Variants in MARCHF1 observed in about 807,000 individuals in gnomAD.
MARCHF1 encodes the protein E3 ubiquitin-protein ligase MARCHF1.
In MARCHF1, 40 loss-of-function variants were observed where a neutral mutation model predicts 54.2. The ratio of observed to expected loss-of-function variants is 0.74; its 90% CI spans 0.57 to 0.96. The LOEUF is 0.96. Among genes scored for constraint, MARCHF1 ranks in the 40% least tolerant of loss-of-function variants. The pLI, the probability that MARCHF1 is intolerant of heterozygous loss-of-function variation, is 0.00. For synonymous variants in MARCHF1, 236 were observed against 236.3 expected (o/e 1.00, Z 0.01); for missense variants, 586 against 656.5 (o/e 0.89, Z 1.17).
At chr4:163,981,568 C>T (rs750735510) in intron 3 of MARCHF1, among the ~76,000 whole-genome samples, 28 of 152,094 alleles carry the variant, frequency 1.8e-4, no homozygotes, top group Non-Finnish European at 3.7e-4. Flanking sequence ...AAGGCTGCTG[C>T]AAGTGGCTCA....
chr4:164,022,212 T>G (rs541530770), intron 2 of MARCHF1, among the ~76,000 whole-genome samples: 1 of 152,312 alleles, frequency 6.6e-6, no homozygotes, highest in Non-Finnish European at 1.5e-5. Flanking sequence ...AACTGTACTG[T>G]TCAATACATA....
At chr4:163,864,006 G>C (rs190237391) in intron 3 of MARCHF1, among the ~76,000 whole-genome samples, 1 of 152,016 alleles carries the variant, frequency 6.6e-6, no homozygotes, top group African/African-American at 2.4e-5. Context: ...ACACCCACAA[G>C]TCTATACTGA....
intron 1 of MARCHF1, among the ~76,000 whole-genome samples, chr4:164,188,037 A>T (rs534557926): frequency 6.6e-6 from 1 of 152,178 alleles, no homozygotes; most frequent in Non-Finnish European, 1.5e-5. Flanking sequence ...ATTTTCCATT[A>T]AGGGCCATTT....
chr4:164,239,180 T>A (rs1274285344), intron 1 of MARCHF1, among the ~76,000 whole-genome samples: 1 of 152,090 alleles, frequency 6.6e-6, no homozygotes, highest in African/African-American at 2.4e-5. Flanking sequence ...TCCTTCATAA[T>A]TGGTGGACTT....
intron 4 of MARCHF1, among the ~76,000 whole-genome samples, chr4:163,799,935 C>G (rs1748031827): frequency 6.6e-6 from 1 of 152,094 alleles, no homozygotes; most frequent in Non-Finnish European, 1.5e-5. Flanking sequence ...TACATAGATA[C>G]CATGGAATAG....
intron 4 of MARCHF1, among the ~76,000 whole-genome samples, chr4:163,805,071 T>C (rs1459031282): frequency 6.6e-6 from 1 of 152,160 alleles, no homozygotes. Flanking sequence ...GATAGAATTC[T>C]GTATATATGA....
At chr4:163,889,651 C>A (rs1750611136) in intron 3 of MARCHF1, among the ~76,000 whole-genome samples, 1 of 152,066 alleles carries the variant, frequency 6.6e-6, no homozygotes, top group South Asian at 2.1e-4. Flanking sequence ...ACATCTCCTG[C>A]TTAAGTGGTT....
intron 1 of MARCHF1, among the ~76,000 whole-genome samples, chr4:164,330,385 G>T (rs1437006300): frequency 2.6e-5 from 4 of 152,014 alleles, no homozygotes; most frequent in African/African-American, 9.7e-5. Context: ...AGTTTGTCAT[G>T]TCTTCCCCTC....
chr4:163,770,418 C>T (rs1747120693), intron 4 of MARCHF1, among the ~76,000 whole-genome samples: 1 of 152,034 alleles, frequency 6.6e-6, no homozygotes, highest in South Asian at 2.1e-4. Flanking sequence ...TGTTGCTAGA[C>T]TGCCTTAAGA....
At chr4:163,808,593 G>C (rs937379221) in intron 4 of MARCHF1, among the ~76,000 whole-genome samples, 1 of 152,144 alleles carries the variant, frequency 6.6e-6, no homozygotes. Flanking sequence ...TTTTGAGACA[G>C]AGTCTCCCTT....
chr4:164,362,263 C>A (rs757972766), intron 1 of MARCHF1, among the ~76,000 whole-genome samples: 3 of 152,098 alleles, frequency 2.0e-5, no homozygotes, highest in Non-Finnish European at 4.4e-5. Context: ...AAAAATTAAT[C>A]TTTCAAACTT....
intron 2 of MARCHF1, among the ~76,000 whole-genome samples, chr4:164,101,122 A>G (rs1368725305): frequency 6.6e-6 from 1 of 152,200 alleles, no homozygotes; most frequent in Non-Finnish European, 1.5e-5. Context: ...ACGCCCACGG[A>G]GTCTTGCTGA....
At chr4:163,861,079 G>A (rs1749918617) in intron 3 of MARCHF1, among the ~76,000 whole-genome samples, 1 of 152,268 alleles carries the variant, frequency 6.6e-6, no homozygotes, top group South Asian at 2.1e-4. Context: ...GACAACATCA[G>A]TAACAAATGG....
chr4:164,056,384 A>G (rs2111056754), intron 2 of MARCHF1, among the ~76,000 whole-genome samples: 1 of 152,296 alleles, frequency 6.6e-6, no homozygotes, highest in East Asian at 1.9e-4. Flanking sequence ...TGTGACCTAC[A>G]CTGGCTCAAG....
chr4:163,785,086 A>C (rs950726787), intron 4 of MARCHF1, among the ~76,000 whole-genome samples: 2 of 152,156 alleles, frequency 1.3e-5, no homozygotes, highest in Admixed American at 1.3e-4. Context: ...TAAATGCTAG[A>C]GAGATAATTA....
chr4:163,899,660 C>G (rs749111610), intron 3 of MARCHF1, among the ~76,000 whole-genome samples: 12 of 151,940 alleles, frequency 7.9e-5, no homozygotes, highest in Non-Finnish European at 1.5e-4. Flanking sequence ...CCTGACCTGA[C>G]CTTCAGATCT....
chr4:163,743,814 G>A (rs1316702814), intron 4 of MARCHF1, among the ~76,000 whole-genome samples: 1 of 152,116 alleles, frequency 6.6e-6, no homozygotes, highest in East Asian at 1.9e-4. Flanking sequence ...CTTTTGCTAT[G>A]TAGAGCTAAA....
intron 1 of MARCHF1, among the ~76,000 whole-genome samples, chr4:164,212,925 A>G (rs998669247): frequency 3.9e-5 from 6 of 152,176 alleles, no homozygotes; most frequent in African/African-American, 1.4e-4. Flanking sequence ...TTCTGTCTTC[A>G]GGGCCTCCAG....
chr4:164,094,823 GAAC>G (rs1201173874), intron 2 of MARCHF1, among the ~76,000 whole-genome samples: 3 of 152,086 alleles, frequency 2.0e-5, no homozygotes, highest in Non-Finnish European at 2.9e-5. Flanking sequence ...TCAAAGAAAA[GAAC>G]AACTGTGATC....
Sources: allele counts gnomAD v4.1 joint callset (sites outside exome capture counted in the v4.1 genomes callset), GRCh38; gene constraint gnomAD v4.1.1; transcripts MANE v1.5; gene names NCBI Gene and HGNC (gene_info 2026-07-23, HGNC 2026-07-21).